SMOC2: variants seen among roughly 807,000 people sequenced by gnomAD.
The protein encoded by SMOC2 is SPARC related modular calcium binding 2.
In SMOC2, 39 loss-of-function variants were observed where a neutral mutation model predicts 61.4. The observed-to-expected ratio is 0.64, with a 90% confidence interval of 0.49 to 0.83. The LOEUF (loss-of-function observed/expected upper bound fraction) is 0.83, where lower values mean the gene tolerates loss of function less well. SMOC2 is among the 40% of genes least tolerant of loss of function. The pLI is 0.00. For missense variants in SMOC2, 556 were observed against 592.9 expected (o/e 0.94, Z 0.65); for synonymous variants, 247 against 239.9 (o/e 1.03, Z -0.27).
intron 1 of SMOC2, among the ~76,000 whole-genome samples, chr6:168,505,877 G>T (rs1782861634): frequency 6.6e-6 from 1 of 152,102 alleles, no homozygotes. Context: ...TCACGCACTG[G>T]GCCTCATTGC....
intron 1 of SMOC2, among the ~76,000 whole-genome samples, chr6:168,445,034 C>T (rs1781300703): frequency 6.6e-6 from 1 of 152,192 alleles, no homozygotes. Context: ...CTAACGCTCC[C>T]CTAAGGTCAT....
At chr6:168,466,073 GA>G (rs1248074292) in intron 1 of SMOC2, among the ~76,000 whole-genome samples, 5 of 136,814 alleles carry the variant, frequency 3.7e-5, no homozygotes, top group Non-Finnish European at 3.2e-5. Flanking sequence ...GGCTCTGGAT[GA>G]AGCGAGGTGC....
intron 8 of SMOC2, among the ~76,000 whole-genome samples, chr6:168,600,431 AAAC>A (rs1450193334): frequency 0.043 from 2,351 of 55,094 alleles, 114 homozygotes; most frequent in African/African-American, 0.13. Context: ...ACAAAAAAAA[AAAC>A]AAAAAAAAAA....
At chr6:168,477,908 C>G (rs774910665) in intron 1 of SMOC2, among the ~76,000 whole-genome samples, 1 of 152,176 alleles carries the variant, frequency 6.6e-6, no homozygotes, top group Non-Finnish European at 1.5e-5. Context: ...ATTCTTCTTA[C>G]GACCCAGTGA....
chr6:168,577,887 A>C (rs1784844078), intron 7 of SMOC2, among the ~76,000 whole-genome samples: 2 of 152,190 alleles, frequency 1.3e-5, no homozygotes, highest in African/African-American at 4.8e-5. Flanking sequence ...TGCCTTGATC[A>C]CAACTGATCC....
intron 7 of SMOC2, among the ~76,000 whole-genome samples, chr6:168,578,055 C>T (rs928543233): frequency 1.3e-5 from 2 of 152,228 alleles, no homozygotes; most frequent in African/African-American, 2.4e-5. Flanking sequence ...TCTGTGTCCG[C>T]AGGGTTAAAA....
intron 7 of SMOC2, among the ~76,000 whole-genome samples, chr6:168,571,226 A>G (rs925309163): frequency 6.6e-6 from 1 of 152,230 alleles, no homozygotes; most frequent in Non-Finnish European, 1.5e-5. Context: ...ATTGTAGGAG[A>G]TATTAACAAG....
Position 168,666,420 on chromosome 6 carries a change from G to T in SMOC2, c.1324-1G>T, listed in dbSNP as rs1787663102. ...TCTCTTTTTTGTTTTTTCCTTTTCA[G>T]CCAAGGAAACAAGGATAAATGGCTC... On this transcript the variant is annotated splice_acceptor_variant, in intron 12 of 12. Coordinates refer to ENST00000356284, the MANE Select transcript of SMOC2 (RefSeq NM_001166412.2). LOFTEE classifies it high-confidence loss of function. The T allele has an allele frequency of 6.2e-7, 1 of 1,613,492 alleles. No individual in the cohort carries two copies. Among genetic ancestry groups the T allele is most frequent in the South Asian group, 1.1e-5 (1 of 91,068 alleles).
intron 1 of SMOC2, among the ~76,000 whole-genome samples, chr6:168,459,138 C>T (rs1482523314): frequency 6.6e-6 from 1 of 152,126 alleles, no homozygotes; most frequent in Non-Finnish European, 1.5e-5. Context: ...CACAGATGGA[C>T]GAGGTCATGT....
intron 7 of SMOC2, among the ~76,000 whole-genome samples, chr6:168,596,112 G>A (rs1398261345): frequency 8.3e-4 from 74 of 88,694 alleles, no homozygotes; most frequent in Admixed American, 6.3e-3. Context: ...ACGTGAACAC[G>A]GCAGTGATGA....
chr6:168,560,216 G>T, intron 7 of SMOC2, among the ~76,000 whole-genome samples: 1 of 152,142 alleles, frequency 6.6e-6, no homozygotes, highest in South Asian at 2.1e-4. Flanking sequence ...GTATAGACAT[G>T]GATCTCTCTG....
At chr6:168,461,889 A>G (rs1399822746) in intron 1 of SMOC2, among the ~76,000 whole-genome samples, 1 of 152,200 alleles carries the variant, frequency 6.6e-6, no homozygotes, top group East Asian at 1.9e-4. Context: ...TGATATTTTA[A>G]GTCAAGGATA....
chr6:168,473,320 G>T (rs1431474570), intron 1 of SMOC2, among the ~76,000 whole-genome samples: 1 of 152,194 alleles, frequency 6.6e-6, no homozygotes, highest in Admixed American at 6.5e-5. Context: ...AGCCCTCCAG[G>T]CACAGCAGGG....
chr6:168,489,101 G>C (rs1233666866), intron 1 of SMOC2, among the ~76,000 whole-genome samples: 1 of 149,726 alleles, frequency 6.7e-6, no homozygotes, highest in African/African-American at 2.5e-5. Context: ...CACTGTTTTA[G>C]AGTGAAATAT....
chr6:168,579,259 T>G (rs1784873583), intron 7 of SMOC2, among the ~76,000 whole-genome samples: 1 of 152,030 alleles, frequency 6.6e-6, no homozygotes, highest in Non-Finnish European at 1.5e-5. Flanking sequence ...ATCTTAATTT[T>G]TTAAAGCCAC....
chr6:168,474,328 T>G (rs1316240119), intron 1 of SMOC2, among the ~76,000 whole-genome samples: 1 of 152,108 alleles, frequency 6.6e-6, no homozygotes, highest in Non-Finnish European at 1.5e-5. Flanking sequence ...GGGCTGGGGC[T>G]TCCTGGGGCA....
intron 7 of SMOC2, among the ~76,000 whole-genome samples, chr6:168,596,525 C>T (rs902904621): frequency 6.6e-6 from 1 of 152,100 alleles, no homozygotes; most frequent in Non-Finnish European, 1.5e-5. Flanking sequence ...CATGTGAACA[C>T]GGCAGTGCTG....
At chr6:168,551,818 C>G (rs1784136457) in intron 7 of SMOC2, among the ~76,000 whole-genome samples, 1 of 152,184 alleles carries the variant, frequency 6.6e-6, no homozygotes, top group African/African-American at 2.4e-5. Context: ...AGATTAAGCT[C>G]CATGTAAACC....
At position 168,543,651 on chromosome 6, in the gene SMOC2, C is replaced by G; in HGVS notation, c.490C>G (p.Arg164Gly). The G allele has an allele frequency of 6.2e-7, 1 of 1,613,728 alleles. No individual in the cohort carries two copies. The highest frequency in any genetic ancestry group is 8.5e-7 in the Non-Finnish European group (1 of 1,179,724). ...TTCCGTAAATGAAAAGTTACCCCAA[C>G]GCGAAGGCACAGGAAAAACAGGTAA... is the stretch of plus-strand genomic sequence containing the variant. ...PGSVNEKLPQREGTGKTDDAA... is the reference protein window; with the variant it reads ...PGSVNEKLPQGEGTGKTDDAA... Residue 164 changes from arginine (R) to glycine (G), a missense_variant, in exon 5 of 13, where the codon CGC becomes GGC. Physicochemically the swap from Arg to Gly is moderately radical, Grantham distance 125. Transcript: ENST00000356284.
Sources: gnomAD v4.1 joint callset for allele counts (sites outside exome capture counted in the v4.1 genomes callset) on GRCh38, gnomAD v4.1.1 for gene constraint, MANE v1.5 for transcripts, NCBI Gene and HGNC (gene_info 2026-07-23, HGNC 2026-07-21) for gene names.